Variants in GRIA1 observed in about 807,000 individuals in gnomAD.
GRIA1 encodes the protein glutamate receptor 1.
Under a neutral mutation model 99.2 loss-of-function variants are expected in GRIA1, and 31 were observed. The ratio of observed to expected loss-of-function variants is 0.31; its 90% CI spans 0.23 to 0.42. The LOEUF (loss-of-function observed/expected upper bound fraction) is 0.42, where lower values mean the gene tolerates loss of function less well. GRIA1 is among the 10% of genes least tolerant of loss of function. The pLI is 1.00. For missense variants in GRIA1, 782 were observed against 1,157.5 expected (o/e 0.68, Z 4.71); for synonymous variants, 438 against 432.4 (o/e 1.01, Z -0.16).
chr5:153,749,961 C>G (rs915819307), intron 11 of GRIA1, among the ~76,000 whole-genome samples: 1 of 152,164 alleles, frequency 6.6e-6, no homozygotes, highest in African/African-American at 2.4e-5. Flanking sequence ...AACCTCCAGC[C>G]TTCCAACCCT....
intron 13 of GRIA1, among the ~76,000 whole-genome samples, chr5:153,772,075 A>G (rs1581630833): frequency 6.6e-6 from 1 of 152,220 alleles, no homozygotes; most frequent in Non-Finnish European, 1.5e-5. Context: ...AATTTATGGA[A>G]AGCATAAATC....
intron 2 of GRIA1, among the ~76,000 whole-genome samples, chr5:153,594,846 T>G (rs1401901146): frequency 6.6e-6 from 1 of 151,918 alleles, no homozygotes; most frequent in Non-Finnish European, 1.5e-5. Flanking sequence ...CCTGGCTGCA[T>G]AGGCTAGGGC....
chr5:153,653,847 G>A (rs1335385636), intron 4 of GRIA1, among the ~76,000 whole-genome samples: 1 of 152,178 alleles, frequency 6.6e-6, no homozygotes, highest in African/African-American at 2.4e-5. Context: ...TAATCATAGA[G>A]GGTTTTACAG....
intron 14 of GRIA1, among the ~76,000 whole-genome samples, chr5:153,800,309 C>T (rs2963997): frequency 6.6e-6 from 1 of 151,970 alleles, no homozygotes; most frequent in East Asian, 1.9e-4. Flanking sequence ...TCTGTGAACT[C>T]TAAGTCCCCC....
At chr5:153,645,459 A>C (rs1345776474) in intron 2 of GRIA1, among the ~76,000 whole-genome samples, 3 of 152,208 alleles carry the variant, frequency 2.0e-5, no homozygotes, top group South Asian at 2.1e-4. Flanking sequence ...AAAGATTTTC[A>C]ATAACATTTC....
chr5:153,662,516 G>T (rs1016622793), intron 5 of GRIA1, among the ~76,000 whole-genome samples: 3 of 152,140 alleles, frequency 2.0e-5, no homozygotes, highest in Admixed American at 6.5e-5. Context: ...GTCTGGGAAG[G>T]CTCGTGAGGC....
chr5:153,808,670 T>C (rs1236509797), intron 15 of GRIA1, among the ~76,000 whole-genome samples: 2 of 152,200 alleles, frequency 1.3e-5, no homozygotes, highest in East Asian at 1.9e-4. Context: ...ATGGTTCCAA[T>C]GTGCAACCAA....
At chr5:153,568,777 C>T (rs12153489) in intron 2 of GRIA1, among the ~76,000 whole-genome samples, 14,784 of 152,082 alleles carry the variant, frequency 0.097, 793 homozygotes, top group South Asian at 0.19. Flanking sequence ...TAGAGCTCTC[C>T]GAATCTCAAA....
intron 13 of GRIA1, among the ~76,000 whole-genome samples, chr5:153,778,396 T>C (rs951916118): frequency 3.3e-5 from 5 of 152,030 alleles, no homozygotes; most frequent in African/African-American, 1.2e-4. Context: ...TTAGGGGTGG[T>C]GATAAGACTT....
At chr5:153,625,895 G>C (rs116817392) in intron 2 of GRIA1, among the ~76,000 whole-genome samples, 467 of 152,296 alleles carry the variant, frequency 3.1e-3, no homozygotes, top group African/African-American at 0.011. Context: ...GCATAGACTG[G>C]CTAAGGAATA....
At chr5:153,594,979 A>G (rs1764302251) in intron 2 of GRIA1, among the ~76,000 whole-genome samples, 1 of 150,904 alleles carries the variant, frequency 6.6e-6, no homozygotes, top group African/African-American at 2.4e-5. Context: ...CTTCTTATTG[A>G]CTCTACTCAC....
At chr5:153,699,667 C>T (rs1295581556) in intron 10 of GRIA1, among the ~76,000 whole-genome samples, 1 of 152,062 alleles carries the variant, frequency 6.6e-6, no homozygotes, top group Non-Finnish European at 1.5e-5. Flanking sequence ...CTCGCCTTCC[C>T]CTATAGAATT....
intron 11 of GRIA1, among the ~76,000 whole-genome samples, chr5:153,745,166 T>G (rs1762060830): frequency 6.6e-6 from 1 of 152,208 alleles, no homozygotes; most frequent in Non-Finnish European, 1.5e-5. Flanking sequence ...GTCTAGATTA[T>G]TCTCAACCTT....
intron 2 of GRIA1, among the ~76,000 whole-genome samples, chr5:153,495,284 G>T (rs949352313): frequency 2.0e-5 from 3 of 152,148 alleles, no homozygotes; most frequent in Non-Finnish European, 4.4e-5. Context: ...TGCACTAATT[G>T]CTTTTTATGT....
At chr5:153,755,848 G>A (rs1762794091) in intron 11 of GRIA1, among the ~76,000 whole-genome samples, 1 of 152,172 alleles carries the variant, frequency 6.6e-6, no homozygotes, top group South Asian at 2.1e-4. Flanking sequence ...GACCTAAGCA[G>A]GCTGTTTTAA....
intron 2 of GRIA1, among the ~76,000 whole-genome samples, chr5:153,553,285 C>T (rs921385805): frequency 1.2e-4 from 19 of 152,188 alleles, no homozygotes; most frequent in Non-Finnish European, 2.6e-4. Flanking sequence ...TACAGGTCTG[C>T]AGCAACCTCA....
At chr5:153,607,772 T>C (rs1053598241) in intron 2 of GRIA1, among the ~76,000 whole-genome samples, 1 of 152,094 alleles carries the variant, frequency 6.6e-6, no homozygotes, top group African/African-American at 2.4e-5. Context: ...ATTTTTATAT[T>C]TTTACAGTCG....
At chr5:153,796,186 T>C (rs1765635176) in intron 14 of GRIA1, among the ~76,000 whole-genome samples, 1 of 151,952 alleles carries the variant, frequency 6.6e-6, no homozygotes, top group East Asian at 1.9e-4. Flanking sequence ...GAAGAGAGTC[T>C]CATGACCTGA....
At chr5:153,653,729 G>A (rs971280877) in intron 4 of GRIA1, among the ~76,000 whole-genome samples, 2 of 152,056 alleles carry the variant, frequency 1.3e-5, no homozygotes, top group Non-Finnish European at 2.9e-5. Context: ...ACTCAATGAG[G>A]GCACAGAGAC....
Sources: gnomAD v4.1 joint callset for allele counts (sites outside exome capture counted in the v4.1 genomes callset) on GRCh38, gnomAD v4.1.1 for gene constraint, MANE v1.5 for transcripts, NCBI Gene and HGNC (gene_info 2026-07-23, HGNC 2026-07-21) for gene names.